The following MIA2 variants were observed in gnomAD, a reference collection of about 807,000 sequenced individuals.
MIA2 encodes MIA SH3 domain ER export factor 2.
A neutral mutation model predicts 167.8 loss-of-function variants in MIA2; 127 were observed. The observed-to-expected ratio is 0.76, with a 90% CI of 0.66 to 0.88. The LOEUF is 0.88. Among genes scored for constraint, MIA2 ranks in the 40% least tolerant of loss-of-function variants. The probability of loss-of-function intolerance (pLI) is 0.00; values close to 1 mark genes in which losing one functional copy is unlikely to be tolerated. For synonymous variants in MIA2, 552 were observed against 541.9 expected, an observed-to-expected ratio of 1.02 and a Z score of -0.26; for missense variants, 1,690 against 1,624.7, an observed-to-expected ratio of 1.04 and a Z score of -0.69.
chr14:39,285,496 A>C (rs1297885757), intron 9 of MIA2, among the ~76,000 whole-genome samples: 1 of 134,000 alleles, frequency 7.5e-6, no homozygotes, highest in African/African-American at 2.8e-5. Context: ...TCCCTCCCGG[A>C]CGGGGCGGCT....
intron 6 of MIA2, among the ~76,000 whole-genome samples, chr14:39,270,286 C>T (rs1367469381): frequency 1.5e-4 from 23 of 150,744 alleles, no homozygotes; most frequent in Non-Finnish European, 8.9e-5. Flanking sequence ...ACTGCAGCCT[C>T]CACCTCCCAG....
intron 6 of MIA2, chr14:39,267,334 A>T (rs2055991431): frequency 6.5e-7 from 1 of 1,546,332 alleles, no homozygotes; most frequent in Non-Finnish European, 8.7e-7. Flanking sequence ...CCGGCTCCGC[A>T]GTGGTCCACT....
At chr14:39,345,203 C>T (rs528488259) in intron 25 of MIA2, among the ~76,000 whole-genome samples, 1 of 152,172 alleles carries the variant, frequency 6.6e-6, no homozygotes, top group East Asian at 1.9e-4. Context: ...CCTCAGTCTC[C>T]CGAGTAGCTG....
At chr14:39,260,325 A>C (rs1446960696) in intron 6 of MIA2, among the ~76,000 whole-genome samples, 1 of 152,210 alleles carries the variant, frequency 6.6e-6, no homozygotes, top group Non-Finnish European at 1.5e-5. Flanking sequence ...TCCCACCAAC[A>C]GTGTAAAAGC....
intron 25 of MIA2, among the ~76,000 whole-genome samples, chr14:39,330,247 T>G (rs1595705171): frequency 6.6e-6 from 1 of 152,232 alleles, no homozygotes; most frequent in African/African-American, 2.4e-5. Flanking sequence ...TTTTCTAGTT[T>G]GTTCACATGG....
intron 24 of MIA2, among the ~76,000 whole-genome samples, chr14:39,321,704 A>G (rs892051780): frequency 5.3e-5 from 8 of 152,120 alleles, no homozygotes; most frequent in African/African-American, 1.9e-4. Flanking sequence ...GACTGCATGA[A>G]ATATAATAAC....
At chr14:39,378,022 G>A (rs4902558) in intron 23 of MIA2, among the ~76,000 whole-genome samples, 70,297 of 152,016 alleles carry the variant, frequency 0.46, 18,190 homozygotes, top group African/African-American at 0.7. Context: ...AGGGGCTCCA[G>A]TTATGCACTT....
chr14:39,297,161 T>C (rs183741624), intron 13 of MIA2, among the ~76,000 whole-genome samples: 1 of 151,646 alleles, frequency 6.6e-6, no homozygotes, highest in East Asian at 1.9e-4. Flanking sequence ...TGGCGCTATC[T>C]CAGCTCACTA....
chr14:39,374,681 C>T (rs1307725987), intron 23 of MIA2, among the ~76,000 whole-genome samples: 2 of 152,172 alleles, frequency 1.3e-5, no homozygotes, highest in African/African-American at 2.4e-5. Context: ...CTGTCCTCTT[C>T]CTATCAAGGT....
intron 6 of MIA2, among the ~76,000 whole-genome samples, chr14:39,275,634 G>T (rs374286666): frequency 6.6e-6 from 1 of 152,200 alleles, no homozygotes; most frequent in Admixed American, 6.5e-5. Flanking sequence ...CGTCTTATGT[G>T]TTGAATACAT....
intron 1 of MIA2, 34 bp from the exon 2 acceptor site, chr14:39,236,888 A>G (rs943117901): frequency 6.4e-7 from 1 of 1,568,778 alleles, no homozygotes; most frequent in Admixed American, 1.8e-5. Flanking sequence ...ATTTTAATTT[A>G]AAGTGTGTAT....
At chr14:39,306,812 G>T (rs994723244) in intron 17 of MIA2, among the ~76,000 whole-genome samples, 8 of 152,026 alleles carry the variant, frequency 5.3e-5, no homozygotes, top group African/African-American at 1.7e-4. Context: ...AGGAGTTGAG[G>T]TTATTATCTT....
At chr14:39,264,132 T>C (rs762466797) in intron 6 of MIA2, among the ~76,000 whole-genome samples, 1 of 152,186 alleles carries the variant, frequency 6.6e-6, no homozygotes, top group Non-Finnish European at 1.5e-5. Flanking sequence ...CTAGTGTTTA[T>C]TTTTCTCATC....
chr14:39,368,854 A>G (rs906113646), intron 23 of MIA2, among the ~76,000 whole-genome samples: 1 of 151,954 alleles, frequency 6.6e-6, no homozygotes, highest in Non-Finnish European at 1.5e-5. Flanking sequence ...CTTTAGTTCA[A>G]ACTTTGTTTC....
At chr14:39,317,346 A>C (rs762368230) in intron 21 of MIA2, among the ~76,000 whole-genome samples, 2 of 152,190 alleles carry the variant, frequency 1.3e-5, no homozygotes, top group Admixed American at 1.3e-4. Context: ...GAAGACAGTT[A>C]ATAGGAGAGG....
chr14:39,347,841 T>TA (rs1555415293), intron 27 of MIA2, 70 bp downstream of exon 27: 24 of 1,106,324 alleles, frequency 2.2e-5, no homozygotes, highest in African/African-American at 9.0e-5. Context: ...TTTTTTTTTT[T>TA]ATGGAGTTTC....
At chr14:39,241,882 C>T (rs1425069185) in intron 3 of MIA2, among the ~76,000 whole-genome samples, 1 of 152,156 alleles carries the variant, frequency 6.6e-6, no homozygotes, top group Non-Finnish European at 1.5e-5. Context: ...TCCCCTCACT[C>T]ACCATGATCC....
intron 25 of MIA2, among the ~76,000 whole-genome samples, chr14:39,334,670 G>T (rs2069877732): frequency 6.6e-6 from 1 of 151,554 alleles, no homozygotes. Context: ...GGGTTCAAGC[G>T]ATTCTCCTGC....
chr14:39,347,980 T>G (rs1045645350), intron 27 of MIA2, among the ~76,000 whole-genome samples: 8 of 152,044 alleles, frequency 5.3e-5, no homozygotes, highest in African/African-American at 9.7e-5. Context: ...ACCCAGCTAA[T>G]TTTTGTATAT....
Sources: allele counts gnomAD v4.1 joint callset (sites outside exome capture counted in the v4.1 genomes callset), GRCh38; gene constraint gnomAD v4.1.1; transcripts MANE v1.5; gene names NCBI Gene and HGNC (gene_info 2026-07-23, HGNC 2026-07-21).